TMEM132D: variants seen among roughly 807,000 people sequenced by gnomAD.
The protein encoded by TMEM132D is transmembrane protein 132D.
TMEM132D carries 21 observed loss-of-function variants against 62.3 expected under a neutral mutation model. That is an observed-to-expected ratio of 0.34 (90% CI 0.24 to 0.49). The LOEUF (loss-of-function observed/expected upper bound fraction) is 0.49, where lower values mean the gene tolerates loss of function less well. Ranked by LOEUF, TMEM132D falls within the 20% of genes least tolerant of loss-of-function variation. TMEM132D has a pLI of 0.99. For missense variants in TMEM132D, 1,346 were observed against 1,402.8 expected, an observed-to-expected ratio of 0.96 and a Z score of 0.65; for synonymous variants, 621 against 575.6, an observed-to-expected ratio of 1.08 and a Z score of -1.13.
chr12:129,680,701 G>A (rs1416793950), intron 2 of TMEM132D, among the ~76,000 whole-genome samples: 1 of 152,208 alleles, frequency 6.6e-6, no homozygotes, highest in Non-Finnish European at 1.5e-5. Context: ...GTATCGGTAA[G>A]TAGTTACAGA....
intron 3 of TMEM132D, among the ~76,000 whole-genome samples, chr12:129,418,416 T>G (rs1026036414): frequency 2.0e-5 from 3 of 152,142 alleles, no homozygotes; most frequent in Non-Finnish European, 4.4e-5. Context: ...TGCAGAGACA[T>G]GGATGAAGCT....
intron 1 of TMEM132D, among the ~76,000 whole-genome samples, chr12:129,784,581 A>G (rs531802565): frequency 2.3e-4 from 35 of 152,296 alleles, no homozygotes; most frequent in Admixed American, 1.3e-3. Flanking sequence ...AAGCCTATAT[A>G]ATTTCCATCT....
At chr12:129,736,303 A>C (rs1869421271) in intron 1 of TMEM132D, among the ~76,000 whole-genome samples, 1 of 152,232 alleles carries the variant, frequency 6.6e-6, no homozygotes, top group African/African-American at 2.4e-5. Context: ...TTGGTTTCAC[A>C]TAAACAGAAG....
chr12:129,889,645 T>C (rs940866810), intron 1 of TMEM132D, among the ~76,000 whole-genome samples: 10 of 152,258 alleles, frequency 6.6e-5, no homozygotes, highest in African/African-American at 1.9e-4. Flanking sequence ...TTCTTGGACA[T>C]TATCTTATAG....
chr12:129,250,153 G>A (rs1880226928), intron 4 of TMEM132D, among the ~76,000 whole-genome samples: 1 of 152,052 alleles, frequency 6.6e-6, no homozygotes, highest in Non-Finnish European at 1.5e-5. Flanking sequence ...ATGCAGGCGG[G>A]GTAGCAAATA....
At chr12:129,632,731 C>T (rs1460480980) in intron 2 of TMEM132D, among the ~76,000 whole-genome samples, 1 of 152,202 alleles carries the variant, frequency 6.6e-6, no homozygotes, top group Non-Finnish European at 1.5e-5. Flanking sequence ...CCACCATCCA[C>T]GCACGAGCTC....
chr12:129,678,565 G>T (rs539359784), intron 2 of TMEM132D, among the ~76,000 whole-genome samples: 16 of 152,082 alleles, frequency 1.1e-4, no homozygotes, highest in African/African-American at 3.9e-4. Context: ...CTAATTGTTG[G>T]TTTATTTATT....
chr12:129,495,942 T>C (rs540868852), intron 3 of TMEM132D, among the ~76,000 whole-genome samples: 8 of 152,334 alleles, frequency 5.3e-5, no homozygotes, highest in African/African-American at 9.6e-5. Context: ...GTTTTACTTT[T>C]ACAAGTCCAT....
intron 3 of TMEM132D, among the ~76,000 whole-genome samples, chr12:129,473,807 C>G (rs1024260667): frequency 2.0e-5 from 3 of 152,172 alleles, no homozygotes; most frequent in Admixed American, 2.0e-4. Flanking sequence ...TGCAGTATCT[C>G]CGAGGCATGT....
chr12:129,337,441 G>GCGCGCA (rs56091765), intron 4 of TMEM132D, among the ~76,000 whole-genome samples, 193 bp downstream of exon 4: 10 of 148,112 alleles, frequency 6.8e-5, no homozygotes, highest in Non-Finnish European at 1.0e-4. Flanking sequence ...ATACACACAC[G>GCGCGCA]CACACACACA....
At chr12:129,728,072 A>G (rs893711088) in intron 1 of TMEM132D, among the ~76,000 whole-genome samples, 9 of 152,180 alleles carry the variant, frequency 5.9e-5, no homozygotes, top group African/African-American at 1.9e-4. Context: ...AAATATTTTT[A>G]AAAAGAGTGA....
At chr12:129,449,888 G>T (rs186812319) in intron 3 of TMEM132D, among the ~76,000 whole-genome samples, 24 of 152,290 alleles carry the variant, frequency 1.6e-4, no homozygotes, top group Admixed American at 1.6e-3. Context: ...GAGTCCGTGG[G>T]TCTTGTGATC....
Position 129,866,899 on chromosome 12 carries a change from G to A in TMEM132D, c.79+36362C>T, listed in dbSNP as rs138209075. Reference sequence around the variant, plus strand: ...TCAGCCTATGTGTCCATTAATGAACGAATGGATACAGAAAATGTGGGGTGT... The same window carrying A: ...TCAGCCTATGTGTCCATTAATGAACAAATGGATACAGAAAATGTGGGGTGT... On this transcript the variant is annotated intron_variant, in intron 1 of 8. Coordinates refer to ENST00000422113, the MANE Select transcript of TMEM132D (RefSeq NM_133448.3). Among the ~76,000 whole-genome samples the A allele has an allele frequency of 4.5e-4, 69 of 152,182 alleles. No individual in the cohort carries two copies. In the East Asian group the frequency reaches 9.5e-3, roughly 21 times the overall value.
At chr12:129,199,072 T>C (rs892006844) in intron 5 of TMEM132D, among the ~76,000 whole-genome samples, 2 of 151,734 alleles carry the variant, frequency 1.3e-5, no homozygotes, top group Non-Finnish European at 2.9e-5. Flanking sequence ...TCACAATTTC[T>C]ATTCTCATTG....
chr12:129,212,914 T>C (rs1205835297), intron 4 of TMEM132D, among the ~76,000 whole-genome samples: 4 of 152,138 alleles, frequency 2.6e-5, no homozygotes, highest in African/African-American at 4.8e-5. Flanking sequence ...AGGGAAACAA[T>C]AACAGCCCCT....
chr12:129,298,326 T>A lies in TMEM132D; in HGVS notation c.1299+39308A>T, dbSNP rs79758772. On this transcript the variant is annotated intron_variant, in intron 4 of 8. Coordinates refer to ENST00000422113, the MANE Select transcript of TMEM132D (RefSeq NM_133448.3). ...CTGCTTTTTAATGTTTTTTATTTTT[T>A]AAAATGCATCAACACATCGCAATTG... Among the ~76,000 whole-genome samples, 1,400 of 152,340 alleles carry A rather than the reference T, an allele frequency of 9.2e-3. 28 individuals carry two copies. Among genetic ancestry groups the A allele is most frequent in the African/African-American group, 0.032 (1,313 of 41,568 alleles).
chr12:129,869,791 C>T (rs537821718), intron 1 of TMEM132D, among the ~76,000 whole-genome samples: 1 of 152,272 alleles, frequency 6.6e-6, no homozygotes, highest in South Asian at 2.1e-4. Context: ...TTAATGATAA[C>T]CGTTCTGCCA....
intron 5 of TMEM132D, among the ~76,000 whole-genome samples, chr12:129,160,405 A>T (rs1019630080): frequency 3.3e-4 from 50 of 152,368 alleles, no homozygotes; most frequent in Middle Eastern, 3.4e-3. Flanking sequence ...AATTGAGCCA[A>T]TAAGACTCAG....
rs570861385 is a variant in TMEM132D, at chr12:129,308,174, T to C, written c.1299+29460A>G. On this transcript the variant is annotated intron_variant, in intron 4 of 8. Transcript: ENST00000422113. ...GATTCCTCTTTACCTAATCTTTAAT[T>C]CTCGATCACAATATTGTTATATGTT... 2.0e-5 allele frequency among the ~76,000 whole-genome samples: 3 copies of C among 152,306 alleles called. No individual in the cohort carries two copies. In the East Asian group the frequency reaches 5.8e-4, roughly 29 times the overall value.
Sources: gnomAD v4.1 joint callset for allele counts (sites outside exome capture counted in the v4.1 genomes callset) on GRCh38, gnomAD v4.1.1 for gene constraint, MANE v1.5 for transcripts, NCBI Gene and HGNC (gene_info 2026-07-23, HGNC 2026-07-21) for gene names.